The following YEATS2 variants were observed in gnomAD, a reference collection of about 807,000 sequenced individuals.
YEATS2 encodes the protein YEATS domain containing 2, also known as YEATS domain-containing protein 2.
YEATS2 carries 77 observed loss-of-function variants against 163.2 expected under a neutral mutation model. The ratio of observed to expected loss-of-function variants is 0.47; its 90% confidence interval spans 0.39 to 0.57. The LOEUF (loss-of-function observed/expected upper bound fraction) is 0.57, where lower values mean the gene tolerates loss of function less well. Ranked by LOEUF, YEATS2 falls within the 20% of genes least tolerant of loss-of-function variation. The probability of loss-of-function intolerance (pLI) is 0.00; values close to 1 mark genes in which losing one functional copy is unlikely to be tolerated. For synonymous variants in YEATS2, 631 were observed against 645.1 expected, an observed-to-expected ratio of 0.98 and a Z score of 0.33; for missense variants, 1,549 against 1,729.8, an observed-to-expected ratio of 0.90 and a Z score of 1.85.
At chr3:183,742,164 C>T (rs1410269857) in intron 8 of YEATS2, among the ~76,000 whole-genome samples, 14 of 151,296 alleles carry the variant, frequency 9.3e-5, no homozygotes, top group Admixed American at 5.3e-4. Flanking sequence ...CTGTGAGCCA[C>T]GATCAAGCCA....
intron 5 of YEATS2, among the ~76,000 whole-genome samples, chr3:183,723,053 A>T (rs1298518505): frequency 6.6e-6 from 1 of 152,232 alleles, no homozygotes; most frequent in Admixed American, 6.5e-5. Context: ...TAGCTCGGCA[A>T]TTCCGTGATC....
intron 9 of YEATS2, among the ~76,000 whole-genome samples, chr3:183,751,332 C>T (rs1352866846): frequency 2.6e-5 from 4 of 152,282 alleles, no homozygotes; most frequent in African/African-American, 9.6e-5. Flanking sequence ...ATTACTATGG[C>T]TTTGTAATAA....
chr3:183,768,656 A>G (rs1038486065), intron 15 of YEATS2, among the ~76,000 whole-genome samples: 37 of 152,092 alleles, frequency 2.4e-4, no homozygotes, highest in Admixed American at 2.4e-3. Context: ...CAGAAACTCT[A>G]CAGGTCCCCT....
chr3:183,790,950 A>T lies in YEATS2; in HGVS notation c.3067A>T (p.Asn1023Tyr), dbSNP rs764188982. The stretch of plus-strand genomic sequence containing the variant: ...CGCCACGTCCCTCGTGCCTACACCA[A>T]ACCCCATCTCTGGGAAAGCCACAGT... ...VSATSLVPTP[N>Y]PISGKATVSG... The change falls in exon 21 of 31, where the codon AAC (asparagine) becomes TAC (tyrosine). Residue 1023 changes from asparagine to tyrosine, a missense_variant. Transcript: ENST00000305135. 3.7e-6 allele frequency: 6 copies of T among 1,613,988 alleles called. No individual in the cohort carries two copies. Among genetic ancestry groups the T allele is most frequent in the Non-Finnish European group, 5.1e-6 (6 of 1,180,002 alleles).
At chr3:183,808,537 C>A (rs1726461145) in intron 29 of YEATS2, among the ~76,000 whole-genome samples, 1 of 152,198 alleles carries the variant, frequency 6.6e-6, no homozygotes, top group African/African-American at 2.4e-5. Flanking sequence ...ATAGGGATAC[C>A]TCCGTAACAA....
In YEATS2 at chr3:183,769,046, G is replaced by T. The variant is rs370487824; in HGVS notation, c.1948-3259G>T. 1.6e-4 allele frequency among the ~76,000 whole-genome samples: 24 copies of T among 152,298 alleles called. No individual in the cohort carries two copies. The East Asian group carries it at 2.9e-3, about 18-fold the overall frequency. On this transcript the variant is annotated intron_variant, in intron 15 of 30. Coordinates refer to ENST00000305135, the MANE Select transcript of YEATS2 (RefSeq NM_018023.5). ...TTCAACCAAACCAGGAGAGCCGGGG[G>T]TGATTTCTTGTCTTCATTCTAGGTT...
rs201272283 is a variant in YEATS2 at position 183,757,462 on chromosome 3, T to TGTATTTTTA, written c.1552+777_1552+785dup. Among the ~76,000 whole-genome samples the TGTATTTTTA allele has an allele frequency of 0.011, 1,711 of 152,124 alleles. 64 individuals carry two copies. The East Asian group carries it at 0.14, about 13-fold the overall frequency. On this transcript the variant is annotated intron_variant, in intron 12 of 30. Coordinates refer to ENST00000305135, the MANE Select transcript of YEATS2 (RefSeq NM_018023.5). ...TGCACCACCACGCCCAGCTAATTTT[T>TGTATTTTTA]GTATTTTTAGTAGAGATGGGGTTTC... is the stretch of plus-strand genomic sequence containing the variant.
chr3:183,761,366 C>A (rs752025906), intron 13 of YEATS2, 141 bp from the exon 14 acceptor site: 1 of 753,216 alleles, frequency 1.3e-6, no homozygotes, highest in East Asian at 2.8e-5. Flanking sequence ...GGAGTACAGG[C>A]GTGAGCTACC....
Position 183,798,967 on chromosome 3 carries a change from T to C in YEATS2, c.3303T>C (p.Ser1101=). Residue 1101 remains serine, a synonymous_variant, in exon 23 of 31, where the codon TCT becomes TCC. Coordinates refer to ENST00000305135, the MANE Select transcript of YEATS2 (RefSeq NM_018023.5). ...CCCCAACTCCAGTTGTCCCCAGCTCTGCTCCAGCAGCTGTTGCAAAAGGTA... is the reference window on the plus strand; with the variant it reads ...CCCCAACTCCAGTTGTCCCCAGCTCCGCTCCAGCAGCTGTTGCAAAAGGTA... ...VAAPTPVVPS[S]APAAVAKVKT... is the part of the protein sequence containing the mutation. The C allele has an allele frequency of 6.2e-7, 1 of 1,614,158 alleles. No individual in the cohort carries two copies. Among genetic ancestry groups the C allele is most frequent in the South Asian group, 1.1e-5 (1 of 91,080 alleles).
intron 27 of YEATS2, chr3:183,806,405 T>C (rs263034): frequency 0.46 from 209,412 of 456,138 alleles, 48,828 homozygotes; most frequent in Middle Eastern, 0.59. Context: ...CCTGATTAGG[T>C]TTTGTATAAA....
chr3:183,720,488 T>C (rs962464777), intron 4 of YEATS2, among the ~76,000 whole-genome samples: 1 of 152,094 alleles, frequency 6.6e-6, no homozygotes, highest in African/African-American at 2.4e-5. Flanking sequence ...GGCTGGAGGG[T>C]AACAGTAAAT....
At position 183,800,239 on chromosome 3, in the gene YEATS2, G is replaced by A. The variant is rs140818994; in HGVS notation, c.3326-227G>A. Reference sequence around the variant, plus strand: ...TCTAAGGAGCCACTTTATTGCAGCCGCCCTGTCATGAGGCTGGAGTTGTCC... The same window carrying A: ...TCTAAGGAGCCACTTTATTGCAGCCACCCTGTCATGAGGCTGGAGTTGTCC... On this transcript the variant is annotated intron_variant, in intron 23 of 30. Transcript: ENST00000305135. Among the ~76,000 whole-genome samples, 37 of 152,224 alleles carry A rather than the reference G, an allele frequency of 2.4e-4. No individual in the cohort carries two copies. The East Asian group carries it at 3.7e-3, about 15-fold the overall frequency.
intron 19 of YEATS2, among the ~76,000 whole-genome samples, chr3:183,778,362 G>A (rs748465298): frequency 4.6e-5 from 7 of 152,188 alleles, no homozygotes; most frequent in African/African-American, 1.4e-4. Context: ...AGAAAAAAAC[G>A]CATATTTCTT....
rs1038111262 is a variant in YEATS2, at chr3:183,806,392, A to G, written c.3785-474A>G. On this transcript the variant is annotated intron_variant, in intron 27 of 30. Coordinates refer to ENST00000305135, the MANE Select transcript of YEATS2 (RefSeq NM_018023.5). Reference sequence around the variant, plus strand: ...CTAGATCTGGCCTTGAGGTCCTCACACTCCTGATTAGGTTTTGTATAAATC... The same window carrying G: ...CTAGATCTGGCCTTGAGGTCCTCACGCTCCTGATTAGGTTTTGTATAAATC... The G allele has an allele frequency of 1.1e-5, 5 of 456,326 alleles. No homozygotes were observed. The East Asian group carries it at 2.1e-4, about 19-fold the overall frequency. 28.3% of individuals were successfully genotyped at this position (456,326 alleles called of 1,614,324 possible).
In YEATS2 at chr3:183,697,846, A is replaced by G. The variant is rs544805775; in HGVS notation, c.-167A>G. 181 of 150,640 alleles carry G rather than the reference A, an allele frequency of 1.2e-3. No individual in the cohort carries two copies. Among genetic ancestry groups the G allele is most frequent in the African/African-American group, 4.3e-3 (178 of 41,244 alleles). 9.3% of individuals were successfully genotyped at this position (150,640 alleles called of 1,614,324 possible). On this transcript the variant is annotated 5_prime_UTR_variant, in exon 1 of 31. Coordinates refer to ENST00000305135, the MANE Select transcript of YEATS2 (RefSeq NM_018023.5). ...GGGCGGAACGCGCCGGGCGGGCTCC[A>G]CCGCGCCGTGTGCTTCCGCAGGTTG...
At chr3:183,752,317 C>T (rs1222992990) in intron 10 of YEATS2, 64 bp downstream of exon 10, 1 of 1,582,692 alleles carries the variant, frequency 6.3e-7, no homozygotes, top group Non-Finnish European at 8.7e-7. Context: ...TTGCTGCTTT[C>T]AGAGACCTAT....
Position 183,803,293 on chromosome 3 carries a change from G to T in YEATS2, c.3540G>T (p.Glu1180Asp). 6.2e-7 allele frequency: 1 copy of T among 1,611,944 alleles called. No individual in the cohort carries two copies. Among genetic ancestry groups the T allele is most frequent in the South Asian group, 1.1e-5 (1 of 90,772 alleles). ...DASCFSAKSV[E>D]QYYGWNIGKR... is the part of the protein sequence containing the mutation. ...GCTGCTTTTCTGCAAAGTCTGTGGA[G>T]CAGTACTATGGCTGGAACATTGGAA... is the stretch of plus-strand genomic sequence containing the variant. Residue 1180 changes from glutamate to aspartate, a missense_variant, in exon 26 of 31, where the codon GAG becomes GAT. Coordinates refer to ENST00000305135, the MANE Select transcript of YEATS2 (RefSeq NM_018023.5).
chr3:183,704,860 C>T (rs556189945), intron 1 of YEATS2, among the ~76,000 whole-genome samples: 1 of 152,072 alleles, frequency 6.6e-6, no homozygotes, highest in Non-Finnish European at 1.5e-5. Flanking sequence ...AACTCCTGTC[C>T]TCAAGTGATC....
At chr3:183,743,401 G>A (rs1327025400) in intron 8 of YEATS2, among the ~76,000 whole-genome samples, 1 of 151,880 alleles carries the variant, frequency 6.6e-6, no homozygotes, top group Non-Finnish European at 1.5e-5. Context: ...GTGTGGTGGC[G>A]TGATCACGGC....
Sources: gnomAD v4.1 joint callset for allele counts (sites outside exome capture counted in the v4.1 genomes callset) on GRCh38, gnomAD v4.1.1 for gene constraint, MANE v1.5 for transcripts, NCBI Gene and HGNC (gene_info 2026-07-23, HGNC 2026-07-21) for gene names.